Variants in POLQ observed in about 807,000 individuals in gnomAD.
The protein encoded by POLQ is epididymis secretory sperm binding protein.
A neutral mutation model predicts 259.2 loss-of-function variants in POLQ; 233 were observed. That is an observed-to-expected ratio of 0.90 (90% confidence interval 0.81 to 1.00). POLQ has a LOEUF of 1.00. Ranked by LOEUF, POLQ falls within the 50% of genes least tolerant of loss-of-function variation. The pLI is 0.00. For synonymous variants in POLQ, 1,025 were observed against 1,048.8 expected, an observed-to-expected ratio of 0.98 and a Z score of 0.44; for missense variants, 2,871 against 3,051.6, an observed-to-expected ratio of 0.94 and a Z score of 1.39.
intron 5 of POLQ, among the ~76,000 whole-genome samples, 168 bp from the exon 6 acceptor site, chr3:121,533,377 G>T (rs2169301): frequency 0.66 from 99,625 of 152,082 alleles, 32,848 homozygotes; most frequent in East Asian, 0.89. Flanking sequence ...AGTCACAGAA[G>T]ATCTTCAATT....
chr3:121,545,100 A>G (rs560646758), intron 1 of POLQ, among the ~76,000 whole-genome samples, 194 bp from the exon 2 acceptor site: 29 of 152,318 alleles, frequency 1.9e-4, no homozygotes, highest in Admixed American at 2.0e-4. Flanking sequence ...CATATAATAA[A>G]AATTCCTTAA....
chr3:121,467,283 T>C (rs1043101345), intron 24 of POLQ, among the ~76,000 whole-genome samples: 9 of 152,074 alleles, frequency 5.9e-5, no homozygotes, highest in African/African-American at 2.2e-4. Flanking sequence ...GAAAACATGG[T>C]TTCAGCAGAC....
At chr3:121,492,079 G>A (rs1226712037) in intron 15 of POLQ, among the ~76,000 whole-genome samples, 1 of 148,878 alleles carries the variant, frequency 6.7e-6, no homozygotes, top group African/African-American at 2.5e-5. Context: ...CCATGGGCAA[G>A]AGATATGCAA....
rs2048033028 is a variant in POLQ at position 121,488,448 on chromosome 3, T to C, written c.4483A>G (p.Ser1495Gly). 6.2e-7 allele frequency: 1 copy of C among 1,610,784 alleles called. No individual in the cohort carries two copies. The highest frequency in any genetic ancestry group is 8.5e-7 in the Non-Finnish European group (1 of 1,178,688). ...TGTTCTTTTACTAGATAGTCATCAC[T>C]GAAGCTATCAAATAGTAAACTATCA... ...MSDSLLFDSF[S>G]DDYLVKEQLP... The change falls in exon 16 of 30, where the codon AGT becomes GGT. Residue 1495 changes from serine (S) to glycine (G), a missense_variant. Physicochemically the swap from Ser to Gly is moderately conservative, Grantham distance 56. Transcript: ENST00000264233.
intron 25 of POLQ, among the ~76,000 whole-genome samples, chr3:121,450,525 CA>C (rs1457796039): frequency 1.4e-5 from 2 of 142,256 alleles, no homozygotes; most frequent in African/African-American, 2.6e-5. Context: ...CCCCCTCCCC[CA>C]ACCCCACAAC....
chr3:121,493,937 G>A (rs539712609), intron 14 of POLQ, among the ~76,000 whole-genome samples: 60 of 152,258 alleles, frequency 3.9e-4, no homozygotes, highest in African/African-American at 1.2e-3. Context: ...GACATTAAAT[G>A]TCATCTTATT....
chr3:121,465,937 C>T (rs76977549), intron 24 of POLQ, among the ~76,000 whole-genome samples: 138 of 152,180 alleles, frequency 9.1e-4, no homozygotes, highest in Non-Finnish European at 1.8e-3. Flanking sequence ...AAGCTAGAAA[C>T]GATTAAGCTT....
intron 5 of POLQ, among the ~76,000 whole-genome samples, chr3:121,534,132 T>A (rs545717069): frequency 1.3e-5 from 2 of 152,208 alleles, no homozygotes; most frequent in Admixed American, 1.3e-4. Context: ...CACCTCAGCC[T>A]CCCAAAGTGT....
intron 14 of POLQ, among the ~76,000 whole-genome samples, chr3:121,496,175 C>T (rs993993153): frequency 3.8e-5 from 5 of 129,948 alleles, no homozygotes; most frequent in Admixed American, 3.5e-4. Flanking sequence ...ATGGATTAAT[C>T]AGTACCTTTT....
intron 25 of POLQ, among the ~76,000 whole-genome samples, chr3:121,450,980 G>C (rs747298632): frequency 7.9e-5 from 12 of 151,904 alleles, no homozygotes; most frequent in Non-Finnish European, 1.6e-4. Flanking sequence ...TGGAGGCTTT[G>C]TTCGTTTCTT....
chr3:121,494,406 A>C (rs539018470), intron 14 of POLQ: 23 of 1,550,990 alleles, frequency 1.5e-5, no homozygotes, highest in Admixed American at 1.2e-4. Context: ...AAGCTGGCCC[A>C]CAAGTACAGA....
At chr3:121,440,186 T>C in intron 26 of POLQ, 70 bp from the exon 27 acceptor site, 1 of 1,190,034 alleles carries the variant, frequency 8.4e-7, no homozygotes, top group Non-Finnish European at 1.2e-6. Context: ...CTGGCTTAAA[T>C]ATGGCAAAAT....
intron 12 of POLQ, among the ~76,000 whole-genome samples, chr3:121,499,804 C>T (rs1015219240): frequency 6.6e-5 from 10 of 152,122 alleles, no homozygotes; most frequent in African/African-American, 2.4e-4. Flanking sequence ...AAAGAAATAC[C>T]TTTGAGAGGG....
chr3:121,529,597 A>T (rs747599812), intron 7 of POLQ, 48 bp downstream of exon 7: 1 of 1,567,336 alleles, frequency 6.4e-7, no homozygotes, highest in South Asian at 1.1e-5. Context: ...CATTACTTTC[A>T]AGCAAATGTA....
Position 121,460,065 on chromosome 3 carries a change from C to T in POLQ, c.7137G>A (p.Arg2379=), listed in dbSNP as rs1396631682. 3.1e-6 allele frequency: 5 copies of T among 1,613,604 alleles called. No homozygotes were observed. In the African/African-American group the frequency reaches 6.7e-5, roughly 22 times the overall value. ...CTAAAATCACCTGTTTTGCCTGCTG[C>T]CTCAGATCATCCCCAACAGACTCTG... ...IEPESVGDDL[R]QQAKQICYGI... Residue 2379 remains arginine, a synonymous_variant, in exon 25 of 30, where the codon AGG becomes AGA. Coordinates refer to ENST00000264233, the MANE Select transcript of POLQ (RefSeq NM_199420.4).
At chr3:121,473,901 A>G (rs2047905362) in intron 20 of POLQ, among the ~76,000 whole-genome samples, 2 of 151,862 alleles carry the variant, frequency 1.3e-5, no homozygotes, top group Admixed American at 6.6e-5. Context: ...TAATTTTTGT[A>G]TCTTTGGTAG....
rs2047780772 is a variant in POLQ, at chr3:121,460,206, A to G, written c.6996T>C (p.Ser2332=). Residue 2332 remains serine, a synonymous_variant, in exon 25 of 30, where the codon TCT becomes TCC. Transcript: ENST00000264233. ...PGGSILAADY[S]QLELRILAHL... is the part of the protein sequence containing the mutation. ...GAGCCAAGATCCTCAGTTCAAGCTG[A>G]GAGTAGTCAGCAGCCAGTATTGAAC... 2 of 1,613,664 alleles carry G rather than the reference A, an allele frequency of 1.2e-6. No individual in the cohort carries two copies. Among genetic ancestry groups the G allele is most frequent in the African/African-American group, 2.7e-5 (2 of 74,920 alleles).
intron 12 of POLQ, among the ~76,000 whole-genome samples, chr3:121,499,531 A>G (rs1429216136): frequency 6.6e-6 from 1 of 152,194 alleles, no homozygotes; most frequent in Non-Finnish European, 1.5e-5. Flanking sequence ...CTGGGATTAC[A>G]GGCATCAGCC....
chr3:121,474,623 C>T (rs1393718145), intron 20 of POLQ, among the ~76,000 whole-genome samples: 2 of 152,142 alleles, frequency 1.3e-5, no homozygotes, highest in African/African-American at 4.8e-5. Context: ...AATCCCTGTA[C>T]TTCTCTAGAA....
Sources: allele counts gnomAD v4.1 joint callset (sites outside exome capture counted in the v4.1 genomes callset), GRCh38; gene constraint gnomAD v4.1.1; transcripts MANE v1.5; gene names NCBI Gene and HGNC (gene_info 2026-07-23, HGNC 2026-07-21).